The following GYPE variants were observed in gnomAD, a reference collection of about 807,000 sequenced individuals.
GYPE encodes the protein glycophorin-E.
Under a neutral mutation model 11.6 loss-of-function variants are expected in GYPE, and 8 were observed. The ratio of observed to expected loss-of-function variants is 0.69; its 90% CI spans 0.41 to 1.25. The LOEUF (loss-of-function observed/expected upper bound fraction) is 1.25. Among genes scored for constraint, GYPE ranks in the 50% most tolerant of loss-of-function variants. GYPE has a pLI of 0.01. For missense variants in GYPE, 90 were observed against 92.8 expected, an observed-to-expected ratio of 0.97 and a Z score of 0.12; for synonymous variants, 28 against 29.6, an observed-to-expected ratio of 0.94 and a Z score of 0.18.
intron 1 of GYPE, among the ~76,000 whole-genome samples, chr4:143,882,431 G>A (rs937781822): frequency 4.6e-5 from 7 of 152,072 alleles, no homozygotes; most frequent in African/African-American, 1.7e-4. Context: ...ATGAGCTTCG[G>A]CTTATTTGTA....
intron 1 of GYPE, among the ~76,000 whole-genome samples, chr4:143,891,407 C>A (rs1477089988): frequency 3.4e-5 from 5 of 148,900 alleles, no homozygotes; most frequent in Admixed American, 2.7e-4. Context: ...CGGCTGACTG[C>A]AAGCTCCGCC....
At chr4:143,893,009 A>G (rs1268018238) in intron 1 of GYPE, among the ~76,000 whole-genome samples, 1 of 123,284 alleles carries the variant, frequency 8.1e-6, no homozygotes, top group East Asian at 2.4e-4. Context: ...TTGGGTGCAT[A>G]TATATTTAGG....
chr4:143,897,328 G>T (rs534812579), intron 1 of GYPE, among the ~76,000 whole-genome samples: 1 of 151,972 alleles, frequency 6.6e-6, no homozygotes, highest in South Asian at 2.1e-4. Context: ...AATTAGTCAG[G>T]TGTGGTTGAG....
At chr4:143,872,462 A>G (rs1207099799) in intron 3 of GYPE, among the ~76,000 whole-genome samples, 1 of 152,106 alleles carries the variant, frequency 6.6e-6, no homozygotes, top group East Asian at 1.9e-4. Flanking sequence ...ACTTGCCAAT[A>G]ACCAGTTATA....
chr4:143,878,673 T>C, intron 2 of GYPE: 1 of 491,692 alleles, frequency 2.0e-6, no homozygotes, highest in Non-Finnish European at 4.2e-6. Flanking sequence ...GTTGTCCCCT[T>C]TCTCCTATAA....
intron 3 of GYPE, among the ~76,000 whole-genome samples, chr4:143,876,057 C>A (rs1743795643): frequency 6.6e-6 from 1 of 151,520 alleles, no homozygotes; most frequent in African/African-American, 2.4e-5. Context: ...TTTGAAAAAT[C>A]TGTTGCAAAA....
intron 1 of GYPE, among the ~76,000 whole-genome samples, chr4:143,898,940 G>T (rs1232260072): frequency 2.0e-5 from 3 of 147,516 alleles, no homozygotes; most frequent in Non-Finnish European, 4.5e-5. Context: ...TCAAATAGCT[G>T]TACTATTCAT....
intron 3 of GYPE, chr4:143,875,444 C>G: frequency 3.2e-6 from 5 of 1,550,248 alleles, no homozygotes; most frequent in Non-Finnish European, 2.6e-6. Context: ...TTTGCATAAG[C>G]AAGAGAACAG....
At chr4:143,882,168 T>G (rs1744044768) in intron 1 of GYPE, among the ~76,000 whole-genome samples, 2 of 152,208 alleles carry the variant, frequency 1.3e-5, no homozygotes, top group South Asian at 4.1e-4. Context: ...GATTGCCATA[T>G]GAATTCACTA....
chr4:143,891,782 C>A (rs1275062101), intron 1 of GYPE, among the ~76,000 whole-genome samples: 2 of 152,114 alleles, frequency 1.3e-5, no homozygotes, highest in Non-Finnish European at 2.9e-5. Context: ...ATCAACAGTG[C>A]TACAGAGATT....
intron 1 of GYPE, among the ~76,000 whole-genome samples, chr4:143,892,403 G>T (rs1255058010): frequency 1.3e-5 from 2 of 150,466 alleles, no homozygotes; most frequent in Non-Finnish European, 3.0e-5. Context: ...TGTGATGTTA[G>T]GGTGTCAATT....
Position 143,905,557 on chromosome 4 carries a change from G to C in GYPE, c.-50C>G. The stretch of plus-strand genomic sequence containing the variant: ...AAGTTAGTGCAAAAAAACTACCAAA[G>C]ACAACTGCAAGTGTCAGTGTCTGGC... On this transcript the variant is annotated 5_prime_UTR_variant, in exon 1 of 4. Transcript: ENST00000358615. The C allele has an allele frequency of 6.2e-7, 1 of 1,612,372 alleles. No homozygotes were observed. The highest frequency in any genetic ancestry group is 8.5e-7 in the Non-Finnish European group (1 of 1,178,844).
intron 1 of GYPE, among the ~76,000 whole-genome samples, chr4:143,887,743 T>C (rs1402044766): frequency 7.2e-6 from 1 of 139,530 alleles, no homozygotes; most frequent in Non-Finnish European, 1.5e-5. Context: ...AGTGGCAAAT[T>C]AGTGCAAAAT....
At position 143,880,526 on chromosome 4, in the gene GYPE, T is replaced by C. The variant is rs1225138052; in HGVS notation, c.38-17A>G. 4 of 1,613,668 alleles carry C rather than the reference T, an allele frequency of 2.5e-6. No homozygotes were observed. The African/African-American group carries it at 5.3e-5, about 22-fold the overall frequency. On this transcript the variant is annotated splice_polypyrimidine_tract_variant and intron_variant, in intron 1 of 3. Coordinates refer to ENST00000358615, the MANE Select transcript of GYPE (RefSeq NM_198682.3). ...TCACAATTCCTGTATAAAATAGAAGTTGAGAAAGGGATTAAGAACGAGGTG... is the reference window on the plus strand; with the variant it reads ...TCACAATTCCTGTATAAAATAGAAGCTGAGAAAGGGATTAAGAACGAGGTG...
chr4:143,873,946 TTGAA>T (rs1182729622), intron 3 of GYPE, among the ~76,000 whole-genome samples: 1 of 151,966 alleles, frequency 6.6e-6, no homozygotes, highest in Non-Finnish European at 1.5e-5. Context: ...TAATCCACAA[TTGAA>T]TGGTCACTGG....
At chr4:143,894,044 CTTCATTTCA>C (rs759994247) in intron 1 of GYPE, among the ~76,000 whole-genome samples, 3 of 152,150 alleles carry the variant, frequency 2.0e-5, no homozygotes, top group Non-Finnish European at 2.9e-5. Context: ...TCCCTTCTCG[CTTCATTTCA>C]TTCATTTCAT....
chr4:143,891,880 T>TA (rs1207167855), intron 1 of GYPE, among the ~76,000 whole-genome samples: 2 of 152,114 alleles, frequency 1.3e-5, no homozygotes, highest in African/African-American at 4.8e-5. Flanking sequence ...TCACTGGCAC[T>TA]AAAAATTTAA....
chr4:143,876,514 T>C (rs1159881103), intron 3 of GYPE, among the ~76,000 whole-genome samples: 1 of 152,146 alleles, frequency 6.6e-6, no homozygotes, highest in Non-Finnish European at 1.5e-5. Context: ...TAGGGAGAGC[T>C]TTCATTGGGA....
At chr4:143,875,394 A>G (rs1899962) in intron 3 of GYPE, 1 of 1,463,812 alleles carries the variant, frequency 6.8e-7, no homozygotes, top group Non-Finnish European at 9.3e-7. Context: ...AGGATAGCCA[A>G]GGGTTGGGGC....
Sources: gnomAD v4.1 joint callset for allele counts (sites outside exome capture counted in the v4.1 genomes callset) on GRCh38, gnomAD v4.1.1 for gene constraint, MANE v1.5 for transcripts, NCBI Gene and HGNC (gene_info 2026-07-23, HGNC 2026-07-21) for gene names.